MED13: variants seen among roughly 807,000 people sequenced by gnomAD.
The protein encoded by MED13 is mediator of RNA polymerase II transcription subunit 13.
MED13 carries 23 observed loss-of-function variants against 225.2 expected under a neutral mutation model. That is an observed-to-expected ratio of 0.10 (90% CI 0.07 to 0.14). The LOEUF (loss-of-function observed/expected upper bound fraction) is 0.14, where lower values mean the gene tolerates loss of function less well. Among genes scored for constraint, MED13 ranks in the 10% least tolerant of loss-of-function variants. The pLI is 1.00. For missense variants in MED13, 2,197 were observed against 2,594.5 expected (o/e 0.85, Z 3.33); for synonymous variants, 942 against 889.2 (o/e 1.06, Z -1.06).
chr17:62,015,559 C>T (rs1312575741), intron 8 of MED13, among the ~76,000 whole-genome samples: 1 of 151,598 alleles, frequency 6.6e-6, no homozygotes, highest in East Asian at 1.9e-4. Context: ...TTCTTGTGTA[C>T]TGTTTGAACT....
chr17:62,032,427 T>C (rs2080765606), intron 5 of MED13: 1 of 138,544 alleles, frequency 7.2e-6, no homozygotes, highest in Admixed American at 8.1e-5. Flanking sequence ...TGAGCAGAGA[T>C]CACGCCATTG....
At chr17:62,028,028 C>G (rs781722702) in intron 8 of MED13, among the ~76,000 whole-genome samples, 1 of 152,016 alleles carries the variant, frequency 6.6e-6, no homozygotes, top group Non-Finnish European at 1.5e-5. Context: ...AACTACCATC[C>G]GACCCAGCAA....
intron 3 of MED13, among the ~76,000 whole-genome samples, chr17:62,051,226 TTC>T (rs769354421): frequency 7.4e-4 from 112 of 152,322 alleles, no homozygotes; most frequent in African/African-American, 2.4e-3. Context: ...ATAATTTACT[TTC>T]TGACTCAGGT....
Position 61,972,897 on chromosome 17 carries a change from AT to A in MED13, c.3806-10del. ...GCACTGCATACTCACATCTACAAGC[AT>A]TTTAAAAAAAACAAGTAATTAAGAA... On this transcript the variant is annotated splice_polypyrimidine_tract_variant and intron_variant, in intron 16 of 29. Coordinates refer to ENST00000397786, the MANE Select transcript of MED13 (RefSeq NM_005121.3). 1 of 1,566,386 alleles carries A rather than the reference AT, an allele frequency of 6.4e-7. No individual in the cohort carries two copies. Among genetic ancestry groups the A allele is most frequent in the Non-Finnish European group, 8.6e-7 (1 of 1,162,936 alleles).
chr17:61,947,691 C>G (rs965760801), intron 28 of MED13, among the ~76,000 whole-genome samples: 1 of 152,198 alleles, frequency 6.6e-6, no homozygotes, highest in African/African-American at 2.4e-5. Flanking sequence ...TGCACAGATG[C>G]CTGCTTTGCC....
intron 8 of MED13, among the ~76,000 whole-genome samples, chr17:62,019,137 C>T (rs989434876): frequency 6.6e-6 from 1 of 152,138 alleles, no homozygotes; most frequent in Non-Finnish European, 1.5e-5. Context: ...CTACATGAGG[C>T]TGGATTTTCT....
intron 11 of MED13, among the ~76,000 whole-genome samples, chr17:61,990,411 C>T (rs1048221966): frequency 6.6e-6 from 1 of 151,800 alleles, no homozygotes; most frequent in African/African-American, 2.4e-5. Flanking sequence ...TGTGGGGTTA[C>T]AATAGGAGAC....
chr17:61,969,982 T>A (rs182205652), intron 17 of MED13, among the ~76,000 whole-genome samples: 32 of 152,116 alleles, frequency 2.1e-4, no homozygotes, highest in Non-Finnish European at 3.5e-4. Flanking sequence ...AACATGGAGA[T>A]TACAAAACAA....
intron 16 of MED13, among the ~76,000 whole-genome samples, chr17:61,981,783 C>G (rs576717578): frequency 6.6e-6 from 1 of 152,090 alleles, no homozygotes; most frequent in South Asian, 2.1e-4. Flanking sequence ...TTGTTTATTT[C>G]CTATTTTCTC....
intron 10 of MED13, among the ~76,000 whole-genome samples, chr17:61,993,376 AT>A (rs1174181632): frequency 6.7e-6 from 1 of 150,240 alleles, no homozygotes; most frequent in Non-Finnish European, 1.5e-5. Flanking sequence ...TAATTTTTGT[AT>A]TTTTAGCAGA....
intron 8 of MED13, among the ~76,000 whole-genome samples, chr17:62,027,196 TAC>T (rs1362726860): frequency 6.6e-6 from 1 of 152,192 alleles, no homozygotes; most frequent in Admixed American, 6.5e-5. Context: ...ACTATAGGAC[TAC>T]AGTTACCAAA....
intron 5 of MED13, among the ~76,000 whole-genome samples, chr17:62,032,026 A>T (rs1178892163): frequency 6.6e-6 from 1 of 151,976 alleles, no homozygotes; most frequent in Non-Finnish European, 1.5e-5. Context: ...AGAATTATGA[A>T]CCATTTTCTA....
intron 16 of MED13, among the ~76,000 whole-genome samples, chr17:61,976,074 G>A (rs555976539): frequency 6.6e-6 from 1 of 152,226 alleles, no homozygotes; most frequent in African/African-American, 2.4e-5. Context: ...ATCCACTTAA[G>A]AGTAATAAAA....
chr17:61,971,300 G>T (rs1284822130), intron 17 of MED13, among the ~76,000 whole-genome samples: 1 of 147,632 alleles, frequency 6.8e-6, no homozygotes, highest in Non-Finnish European at 1.5e-5. Context: ...TTTTGAGATG[G>T]AGTTTCGCTT....
intron 6 of MED13, 65 bp downstream of exon 6, chr17:62,031,379 C>A: frequency 7.9e-7 from 1 of 1,260,234 alleles, no homozygotes. Context: ...TAAATTATTT[C>A]TTAAGTACTT....
At chr17:61,952,876 C>T in intron 27 of MED13, 89 bp downstream of exon 27, 5 of 1,426,822 alleles carry the variant, frequency 3.5e-6, no homozygotes, top group Non-Finnish European at 4.8e-6. Flanking sequence ...ACCTCGTGAT[C>T]CACCTGCTTC....
At chr17:62,024,597 C>T (rs571532637) in intron 8 of MED13, among the ~76,000 whole-genome samples, 4 of 152,190 alleles carry the variant, frequency 2.6e-5, no homozygotes, top group African/African-American at 9.6e-5. Context: ...TATAGGTAAA[C>T]TCATGTCATG....
At position 61,964,980 on chromosome 17, in the gene MED13, G is replaced by C. The variant is rs781075932; in HGVS notation, c.4844+26C>G. On this transcript the variant is annotated intron_variant, in intron 20 of 29. Transcript: ENST00000397786. The stretch of plus-strand genomic sequence containing the variant: ...GCAGCATCATAGTTTTTATATTTCT[G>C]CAAAAATCAGTATTTTTAAAGGTAC... The C allele has an allele frequency of 2.5e-6, 4 of 1,576,484 alleles. No homozygotes were observed. In the South Asian group the frequency reaches 3.5e-5, roughly 14 times the overall value.
At chr17:61,952,244 T>G (rs1476507030) in intron 27 of MED13, among the ~76,000 whole-genome samples, 1 of 152,146 alleles carries the variant, frequency 6.6e-6, no homozygotes, top group Non-Finnish European at 1.5e-5. Context: ...GCCCAGTTCG[T>G]TTTTACTTCA....
Sources: gnomAD v4.1 joint callset for allele counts (sites outside exome capture counted in the v4.1 genomes callset) on GRCh38, gnomAD v4.1.1 for gene constraint, MANE v1.5 for transcripts, NCBI Gene and HGNC (gene_info 2026-07-23, HGNC 2026-07-21) for gene names.